The following SORCS3 variants were observed in gnomAD, a reference collection of about 807,000 sequenced individuals.
SORCS3 encodes the protein sortilin related VPS10 domain containing receptor 3, also known as VPS10 domain-containing receptor SorCS3.
SORCS3 carries 57 observed loss-of-function variants against 146.3 expected under a neutral mutation model. That is an observed-to-expected ratio of 0.39 (90% CI 0.31 to 0.49). SORCS3 has a LOEUF of 0.49. Among genes scored for constraint, SORCS3 ranks in the 20% least tolerant of loss-of-function variants. The pLI is 0.92. For missense variants in SORCS3, 1,341 were observed against 1,575.5 expected, an observed-to-expected ratio of 0.85 and a Z score of 2.52; for synonymous variants, 653 against 618.5, an observed-to-expected ratio of 1.06 and a Z score of -0.83.
chr10:105,146,709 C>A (rs1589654887), intron 8 of SORCS3, among the ~76,000 whole-genome samples: 1 of 152,120 alleles, frequency 6.6e-6, no homozygotes, highest in East Asian at 1.9e-4. Context: ...CATTTGATAG[C>A]CATATAATCT....
chr10:105,181,112 A>G (rs1019059075), intron 14 of SORCS3, among the ~76,000 whole-genome samples: 1 of 152,178 alleles, frequency 6.6e-6, no homozygotes, highest in African/African-American at 2.4e-5. Context: ...TTTCAGTGCC[A>G]TATATTTACC....
intron 1 of SORCS3, among the ~76,000 whole-genome samples, chr10:104,651,532 C>T (rs376683253): frequency 3.3e-5 from 1 of 30,392 alleles, no homozygotes; most frequent in South Asian, 2.1e-3. Flanking sequence ...CCGGGCTCTA[C>T]TAAAAAAAAA....
At chr10:105,027,136 C>T (rs574833854) in intron 4 of SORCS3, among the ~76,000 whole-genome samples, 16 of 152,292 alleles carry the variant, frequency 1.1e-4, no homozygotes, top group Middle Eastern at 3.4e-3. Context: ...TTCCTCAAGA[C>T]GCTGTGGGTC....
chr10:105,007,228 G>T (rs1414935063), intron 4 of SORCS3, among the ~76,000 whole-genome samples: 1 of 152,118 alleles, frequency 6.6e-6, no homozygotes, highest in African/African-American at 2.4e-5. Flanking sequence ...TACTTATTGT[G>T]CAGCCCTGTG....
At chr10:104,703,908 T>G (rs375781479) in intron 1 of SORCS3, among the ~76,000 whole-genome samples, 3 of 152,022 alleles carry the variant, frequency 2.0e-5, no homozygotes, top group African/African-American at 7.2e-5. Context: ...TTTGAAACAT[T>G]GTCAGCAACC....
At chr10:104,999,119 A>G (rs1334840844) in intron 4 of SORCS3, among the ~76,000 whole-genome samples, 1 of 152,164 alleles carries the variant, frequency 6.6e-6, no homozygotes, top group Admixed American at 6.6e-5. Context: ...AAAAAAATAC[A>G]TCATTTATTT....
intron 5 of SORCS3, among the ~76,000 whole-genome samples, chr10:105,050,419 G>C (rs1044464688): frequency 6.6e-6 from 1 of 152,076 alleles, no homozygotes; most frequent in African/African-American, 2.4e-5. Flanking sequence ...GCCTTATTGA[G>C]AGCCCCATGT....
intron 4 of SORCS3, among the ~76,000 whole-genome samples, chr10:104,998,868 C>T (rs2133670203): frequency 6.6e-6 from 1 of 152,198 alleles, no homozygotes; most frequent in South Asian, 2.1e-4. Flanking sequence ...GGGGTTCGGA[C>T]TCCATTTGCA....
intron 2 of SORCS3, among the ~76,000 whole-genome samples, chr10:104,872,040 A>G (rs571545969): frequency 6.6e-6 from 1 of 152,254 alleles, no homozygotes; most frequent in African/African-American, 2.4e-5. Flanking sequence ...ATGTAGCCCA[A>G]TACTCATCTA....
intron 4 of SORCS3, among the ~76,000 whole-genome samples, chr10:105,032,835 G>T (rs1425238398): frequency 6.6e-6 from 1 of 152,090 alleles, no homozygotes; most frequent in Non-Finnish European, 1.5e-5. Context: ...CAATAAAGTA[G>T]ATATTAACAA....
chr10:104,997,394 C>G (rs777096816), intron 4 of SORCS3, among the ~76,000 whole-genome samples: 5 of 152,164 alleles, frequency 3.3e-5, no homozygotes, highest in Non-Finnish European at 7.4e-5. Context: ...TAACTTTAGA[C>G]ATGAACACTT....
At chr10:104,928,061 G>A (rs2019166854) in intron 3 of SORCS3, among the ~76,000 whole-genome samples, 2 of 152,148 alleles carry the variant, frequency 1.3e-5, no homozygotes, top group Admixed American at 1.3e-4. Flanking sequence ...AATCTGATAA[G>A]GTAATGAGAG....
intron 2 of SORCS3, among the ~76,000 whole-genome samples, chr10:104,869,917 C>T (rs1259630119): frequency 6.6e-6 from 1 of 152,190 alleles, no homozygotes; most frequent in African/African-American, 2.4e-5. Context: ...AGTAATTTTC[C>T]ATCATTGTAC....
intron 20 of SORCS3, among the ~76,000 whole-genome samples, chr10:105,225,365 C>T (rs1318730017): frequency 2.0e-5 from 3 of 151,924 alleles, no homozygotes; most frequent in Non-Finnish European, 4.4e-5. Context: ...ATTAACTTTG[C>T]TCCTTTGCCA....
At chr10:105,100,064 T>C (rs1025284138) in intron 6 of SORCS3, among the ~76,000 whole-genome samples, 7 of 152,190 alleles carry the variant, frequency 4.6e-5, no homozygotes, top group Non-Finnish European at 1.0e-4. Context: ...TGAGAAGACA[T>C]GGATGCTGGC....
chr10:105,202,154 C>T (rs999293478), intron 16 of SORCS3, among the ~76,000 whole-genome samples: 4 of 152,140 alleles, frequency 2.6e-5, no homozygotes, highest in African/African-American at 7.2e-5. Context: ...TCACAGCAAC[C>T]GAGATGGTAT....
At chr10:105,040,410 G>A (rs956205756) in intron 4 of SORCS3, among the ~76,000 whole-genome samples, 21 of 152,132 alleles carry the variant, frequency 1.4e-4, no homozygotes, top group African/African-American at 3.4e-4. Context: ...AAAGGTGCTC[G>A]TAGAGCTAAC....
chr10:104,761,275 A>C (rs2017119207), intron 1 of SORCS3, among the ~76,000 whole-genome samples: 1 of 152,204 alleles, frequency 6.6e-6, no homozygotes, highest in Admixed American at 6.5e-5. Context: ...GTGTTCAGGG[A>C]ACTAAAAAGT....
chr10:105,139,597 A>G, intron 8 of SORCS3, 111 bp downstream of exon 8: 1 of 768,106 alleles, frequency 1.3e-6, no homozygotes, highest in South Asian at 1.7e-5. Flanking sequence ...GACTGCTGGC[A>G]TTTAGACTCA....
Sources: allele counts gnomAD v4.1 joint callset (sites outside exome capture counted in the v4.1 genomes callset), GRCh38; gene constraint gnomAD v4.1.1; transcripts MANE v1.5; gene names NCBI Gene and HGNC (gene_info 2026-07-23, HGNC 2026-07-21).